The following CD109 variants were observed in gnomAD, a reference collection of about 807,000 sequenced individuals.
CD109 encodes CD109 antigen.
CD109 carries 149 observed loss-of-function variants against 165.8 expected under a neutral mutation model. That is an observed-to-expected ratio of 0.90 (90% CI 0.79 to 1.03). The LOEUF (loss-of-function observed/expected upper bound fraction) is 1.03. Among genes scored for constraint, CD109 ranks in the 50% least tolerant of loss-of-function variants. The probability of loss-of-function intolerance (pLI) is 0.00; values close to 1 mark genes in which losing one functional copy is unlikely to be tolerated. For synonymous variants in CD109, 585 were observed against 592.1 expected, an observed-to-expected ratio of 0.99 and a Z score of 0.18; for missense variants, 1,712 against 1,677.8, an observed-to-expected ratio of 1.02 and a Z score of -0.36.
chr6:73,775,763 C>T (rs914734413), intron 15 of CD109, among the ~76,000 whole-genome samples: 1 of 152,180 alleles, frequency 6.6e-6, no homozygotes, highest in Non-Finnish European at 1.5e-5. Flanking sequence ...TAAGTGAGAA[C>T]ATGTGGTATT....
At chr6:73,807,863 C>T (rs1308219451) in intron 25 of CD109, among the ~76,000 whole-genome samples, 1 of 152,104 alleles carries the variant, frequency 6.6e-6, no homozygotes, top group Non-Finnish European at 1.5e-5. Flanking sequence ...GGAATGACAC[C>T]TGTTTACTTA....
At chr6:73,749,096 G>C (rs1773087605) in intron 5 of CD109, among the ~76,000 whole-genome samples, 1 of 152,194 alleles carries the variant, frequency 6.6e-6, no homozygotes, top group Non-Finnish European at 1.5e-5. Flanking sequence ...TGTGTTGTAT[G>C]CGAGGGTGGG....
chr6:73,810,182 A>G lies in CD109; in HGVS notation c.3546+8A>G. On this transcript the variant is annotated splice_region_variant and intron_variant, in intron 27 of 32. Transcript: ENST00000287097. The stretch of plus-strand genomic sequence containing the variant: ...GGTTTTGCATCTACTCAGGTGAGAG[A>G]TGATAGTTTTTTCCCTTTAAACTAT... The G allele has an allele frequency of 2.0e-6, 3 of 1,510,032 alleles. No homozygotes were observed. Among genetic ancestry groups the G allele is most frequent in the South Asian group, 2.7e-5 (2 of 74,236 alleles). The allele number at this position is 1,510,032 out of a possible 1,614,324, so 93.5% of individuals were successfully genotyped here. A position where few individuals can be genotyped will look rare whatever the true frequency, so the allele number is the denominator to read the frequency against.
chr6:73,802,883 A>G (rs1437537096), intron 23 of CD109, among the ~76,000 whole-genome samples: 1 of 152,064 alleles, frequency 6.6e-6, no homozygotes, highest in African/African-American at 2.4e-5. Context: ...TATTTTTAAT[A>G]GAGATGGGGT....
At chr6:73,729,764 T>A (rs1772290254) in intron 3 of CD109, among the ~76,000 whole-genome samples, 1 of 152,074 alleles carries the variant, frequency 6.6e-6, no homozygotes, top group Non-Finnish European at 1.5e-5. Context: ...TCTGCCTGCC[T>A]TGGTCTCCCA....
rs143599016 is a variant in CD109 at position 73,788,165 on chromosome 6, A to T, written c.2557-303A>T. Among the ~76,000 whole-genome samples, 458 of 152,324 alleles carry T rather than the reference A, an allele frequency of 3.0e-3. 3 individuals are homozygous for T. The highest frequency in any genetic ancestry group is 0.011 in the African/African-American group (437 of 41,560). On this transcript the variant is annotated intron_variant, in intron 21 of 32. Coordinates refer to ENST00000287097, the MANE Select transcript of CD109 (RefSeq NM_133493.5). ...ATTAAGTGTAAATCCTGTGAAAAAC[A>T]CGTTTCAGTTAATGAAGGGTACTGT...
chr6:73,756,675 A>C lies in CD109; in HGVS notation c.666A>C (p.Ser222=), dbSNP rs147241519. The C allele has an allele frequency of 1.2e-3, 1,852 of 1,548,618 alleles. 6 individuals carry two copies. The highest frequency in any genetic ancestry group is 8.9e-4 in the Non-Finnish European group (1,019 of 1,145,658). Reference sequence around the variant, plus strand: ...CATACTATCAATCATTTCAGGTTTCAGAATATGGTAAGAGTTCCTCAATCT... The same window carrying C: ...CATACTATCAATCATTTCAGGTTTCCGAATATGGTAAGAGTTCCTCAATCT... ...DQTYYQSFQV[S]EYVLPKFEVT... The change falls in exon 6 of 33, where the codon TCA becomes TCC. Residue 222 remains serine (S), a synonymous_variant. Coordinates refer to ENST00000287097, the MANE Select transcript of CD109 (RefSeq NM_133493.5).
At chr6:73,765,062 T>A (rs868086199) in intron 10 of CD109, among the ~76,000 whole-genome samples, 48 of 152,220 alleles carry the variant, frequency 3.2e-4, no homozygotes, top group Middle Eastern at 3.4e-3. Flanking sequence ...GGATGCTTTA[T>A]GGAAGAGGAT....
chr6:73,734,933 C>T (rs1772490398), intron 4 of CD109, among the ~76,000 whole-genome samples: 1 of 152,078 alleles, frequency 6.6e-6, no homozygotes, highest in Admixed American at 6.5e-5. Flanking sequence ...AATATGTATT[C>T]AAGAGAGATA....
chr6:73,697,629 T>G (rs1470497495), intron 2 of CD109, 57 bp downstream of exon 2: 1 of 1,503,746 alleles, frequency 6.7e-7, no homozygotes, highest in African/African-American at 1.4e-5. Flanking sequence ...AATATGTTAA[T>G]AAGGTCATGT....
chr6:73,762,441 C>T lies in CD109; in HGVS notation c.816C>T (p.Ser272=), dbSNP rs998987931. The change falls in exon 8 of 33, where the codon TCC becomes TCT. Residue 272 remains serine, a synonymous_variant. Coordinates refer to ENST00000287097, the MANE Select transcript of CD109 (RefSeq NM_133493.5). ...TAACGCTTACATTTTTACCTTTATC[C>T]TTTTGGGGAAAGAAGAAAAATATTA... ...GDVTLTFLPL[S]FWGKKKNITK... 1.8e-5 allele frequency: 29 copies of T among 1,612,022 alleles called. No individual in the cohort carries two copies. The highest frequency in any genetic ancestry group is 3.3e-5 in the Admixed American group (2 of 59,930).
intron 25 of CD109, among the ~76,000 whole-genome samples, chr6:73,807,295 C>CT (rs1049706495): frequency 2.0e-5 from 3 of 152,056 alleles, no homozygotes; most frequent in Admixed American, 1.3e-4. Context: ...TCTAAAAATG[C>CT]TTTTTAATGT....
At chr6:73,800,682 T>C (rs140072761) in intron 23 of CD109, among the ~76,000 whole-genome samples, 81 of 152,326 alleles carry the variant, frequency 5.3e-4, no homozygotes, top group African/African-American at 1.9e-3. Flanking sequence ...TGAAGTTGAA[T>C]GTGTTTTCTA....
intron 19 of CD109, among the ~76,000 whole-genome samples, chr6:73,784,677 G>A (rs182559164): frequency 1.3e-5 from 2 of 152,326 alleles, no homozygotes; most frequent in Admixed American, 1.3e-4. Context: ...TTAGATGCAG[G>A]TGTGGGGCTT....
Position 73,803,200 on chromosome 6 carries a change from C to G in CD109, c.2879-20C>G, listed in dbSNP as rs1775434533. 6.5e-7 allele frequency: 1 copy of G among 1,537,294 alleles called. No homozygotes were observed. The highest frequency in any genetic ancestry group is 1.1e-5 in the South Asian group (1 of 89,150). On this transcript the variant is annotated intron_variant, in intron 23 of 32. Transcript: ENST00000287097. ...GCAAGTTAATGATTACTTTGACTAT[C>G]TGTCTATTTTTGTGTCTAGGTTACC... is the stretch of plus-strand genomic sequence containing the variant.
At chr6:73,712,247 T>G (rs1771567320) in intron 2 of CD109, among the ~76,000 whole-genome samples, 1 of 152,154 alleles carries the variant, frequency 6.6e-6, no homozygotes, top group Non-Finnish European at 1.5e-5. Context: ...TTGTTTTCCA[T>G]GAATTTGTGG....
intron 5 of CD109, among the ~76,000 whole-genome samples, chr6:73,739,205 C>T (rs917051672): frequency 2.6e-5 from 4 of 152,064 alleles, no homozygotes; most frequent in African/African-American, 9.7e-5. Flanking sequence ...GTATACTGAT[C>T]AGGTACTTGT....
chr6:73,796,331 TGG>T (rs1273808821), intron 23 of CD109, among the ~76,000 whole-genome samples: 1 of 152,136 alleles, frequency 6.6e-6, no homozygotes, highest in African/African-American at 2.4e-5. Context: ...TGGCTGTATC[TGG>T]AACACTCTGA....
chr6:73,803,689 T>TTGTGTGTGTGTG (rs71000156), intron 24 of CD109, among the ~76,000 whole-genome samples: 78 of 149,522 alleles, frequency 5.2e-4, no homozygotes, highest in Non-Finnish European at 7.3e-4. Context: ...TAGTTTAAGT[T>TTGTGTGTGTGTG]TGTGTGTGTG....
Sources: gnomAD v4.1 joint callset for allele counts (sites outside exome capture counted in the v4.1 genomes callset) on GRCh38, gnomAD v4.1.1 for gene constraint, MANE v1.5 for transcripts, NCBI Gene and HGNC (gene_info 2026-07-23, HGNC 2026-07-21) for gene names.